C17orf67: variants seen among roughly 807,000 people sequenced by gnomAD.
C17orf67 encodes uncharacterized protein C17orf67.
C17orf67 carries 12 observed loss-of-function variants against 11.2 expected under a neutral mutation model. The ratio of observed to expected loss-of-function variants is 1.07; its 90% CI spans 0.68 to 1.73. The LOEUF (loss-of-function observed/expected upper bound fraction) is 1.73. C17orf67 is among the 40% of genes most tolerant of loss of function. The pLI is 0.00. For missense variants in C17orf67, 115 were observed against 113.5 expected (o/e 1.01, Z -0.06); for synonymous variants, 59 against 46.9 (o/e 1.26, Z -1.05).
At chr17:56,808,005 G>A (rs895843934) in intron 6 of C17orf67, among the ~76,000 whole-genome samples, 1 of 152,144 alleles carries the variant, frequency 6.6e-6, no homozygotes, top group South Asian at 2.1e-4. Context: ...AAGCAAATTA[G>A]TTCCAGCCTT....
In C17orf67 at chr17:56,795,118, C is replaced by T. The variant is rs771245835; in HGVS notation, c.219G>A (p.Trp73Ter). 18 of 1,614,020 alleles carry T rather than the reference C, an allele frequency of 1.1e-5. No homozygotes were observed. Among genetic ancestry groups the T allele is most frequent in the Non-Finnish European group, 1.4e-5 (17 of 1,180,022 alleles). The change falls in exon 7 of 8, where the codon TGG becomes TGA. Residue 73 changes from tryptophan to a stop codon, truncating the protein, a stop_gained. Coordinates refer to ENST00000397861, the MANE Select transcript of C17orf67 (RefSeq NM_001085430.4). LOFTEE classifies it high-confidence loss of function. The part of the protein sequence containing the change: ...HRAEEQFLEH[W>*]LNPHCKPHCD... ...AGTGGGGTTTGCAGTGAGGGTTCAG[C>T]CAGTGCTCCAGGAACTGCTCCTCAG...
intron 6 of C17orf67, among the ~76,000 whole-genome samples, chr17:56,806,564 C>T (rs1331644469): frequency 6.6e-6 from 1 of 152,136 alleles, no homozygotes; most frequent in African/African-American, 2.4e-5. Context: ...CAGAATTTTA[C>T]TGTTACCCAG....
intron 4 of C17orf67, among the ~76,000 whole-genome samples, chr17:56,822,547 A>G (rs958460404): frequency 6.6e-6 from 1 of 152,240 alleles, no homozygotes; most frequent in Non-Finnish European, 1.5e-5. Flanking sequence ...AGGTATGTGT[A>G]AAGTTCGTGA....
At chr17:56,803,121 T>C (rs1905364250) in intron 6 of C17orf67, among the ~76,000 whole-genome samples, 1 of 152,238 alleles carries the variant, frequency 6.6e-6, no homozygotes, top group African/African-American at 2.4e-5. Context: ...CAAAAGGGCA[T>C]ATGCAGGCAG....
chr17:56,814,201 G>A (rs1258113953), intron 6 of C17orf67, among the ~76,000 whole-genome samples: 1 of 152,162 alleles, frequency 6.6e-6, no homozygotes, highest in Non-Finnish European at 1.5e-5. Context: ...TAACTTTGCT[G>A]GGTCACTGCT....
intron 7 of C17orf67, among the ~76,000 whole-genome samples, chr17:56,792,928 GGGTAA>G (rs1905142790): frequency 1.3e-4 from 1 of 7,554 alleles, no homozygotes; most frequent in South Asian, 4.0e-3. Context: ...ATGATGGTGT[GGGTAA>G]TGGTGATGAT....
chr17:56,818,640 CT>C (rs1236713145), intron 4 of C17orf67, among the ~76,000 whole-genome samples: 3 of 152,152 alleles, frequency 2.0e-5, no homozygotes, highest in Non-Finnish European at 4.4e-5. Context: ...TCAGTAGCCA[CT>C]TTTTTTAAGT....
chr17:56,827,959 C>T (rs1237747458), intron 2 of C17orf67, among the ~76,000 whole-genome samples: 1 of 152,172 alleles, frequency 6.6e-6, no homozygotes, highest in East Asian at 1.9e-4. Context: ...GTAATCCCAG[C>T]ACTTTGGGAG....
intron 7 of C17orf67, among the ~76,000 whole-genome samples, chr17:56,794,410 G>T (rs555781246): frequency 1.4e-4 from 21 of 152,236 alleles, no homozygotes; most frequent in African/African-American, 4.8e-4. Context: ...ATTTGGAAAG[G>T]GGGGAAGATG....
intron 4 of C17orf67, among the ~76,000 whole-genome samples, chr17:56,820,745 C>T (rs1329088963): frequency 1.4e-5 from 2 of 144,582 alleles, no homozygotes; most frequent in Non-Finnish European, 3.0e-5. Context: ...CCAAACACAA[C>T]TTTTTGTTTG....
chr17:56,803,516 T>C (rs964283774), intron 6 of C17orf67, among the ~76,000 whole-genome samples: 1 of 152,246 alleles, frequency 6.6e-6, no homozygotes, highest in Non-Finnish European at 1.5e-5. Flanking sequence ...CCAGTTTTTT[T>C]ATGGCAGTGA....
intron 6 of C17orf67, among the ~76,000 whole-genome samples, chr17:56,807,903 T>TAATA (rs58915926): frequency 0.11 from 15,398 of 144,348 alleles, 874 homozygotes; most frequent in African/African-American, 0.14. Context: ...AATAAATAAA[T>TAATA]AATAAATAAA....
At chr17:56,830,118 C>CG (rs1906153815) in intron 2 of C17orf67, among the ~76,000 whole-genome samples, 1 of 150,482 alleles carries the variant, frequency 6.6e-6, no homozygotes, top group Admixed American at 6.6e-5. Flanking sequence ...CTGAGGCAGG[C>CG]GGATCATGAG....
intron 2 of C17orf67, among the ~76,000 whole-genome samples, chr17:56,826,774 A>C (rs953075078): frequency 6.6e-6 from 1 of 152,254 alleles, no homozygotes; most frequent in African/African-American, 2.4e-5. Flanking sequence ...GACCAAGTTA[A>C]AACAGTGATC....
intron 2 of C17orf67, among the ~76,000 whole-genome samples, chr17:56,831,777 TAC>T (rs1297794239): frequency 6.6e-6 from 1 of 152,142 alleles, no homozygotes; most frequent in African/African-American, 2.4e-5. Context: ...ACGTGCCATG[TAC>T]ATACGTACGA....
chr17:56,797,887 T>C (rs2144112842), intron 6 of C17orf67, among the ~76,000 whole-genome samples: 1 of 152,310 alleles, frequency 6.6e-6, no homozygotes, highest in African/African-American at 2.4e-5. Flanking sequence ...TTATGTCCTA[T>C]AAGTGATGCA....
intron 6 of C17orf67, among the ~76,000 whole-genome samples, chr17:56,811,789 T>C (rs1905634876): frequency 6.6e-6 from 1 of 152,226 alleles, no homozygotes; most frequent in African/African-American, 2.4e-5. Flanking sequence ...CTCTCTCTTT[T>C]TGTCTAAACA....
chr17:56,816,055 G>GAAA, intron 4 of C17orf67, 45 bp from the exon 5 acceptor site: 2 of 605,520 alleles, frequency 3.3e-6, no homozygotes, highest in Non-Finnish European at 5.2e-6. Context: ...TTCAGAGCTT[G>GAAA]AATCTGAAAA....
chr17:56,831,456 A>G (rs1906198374), intron 2 of C17orf67, among the ~76,000 whole-genome samples: 2 of 152,182 alleles, frequency 1.3e-5, no homozygotes, highest in Admixed American at 6.5e-5. Context: ...TTGACACTAG[A>G]GTAGAAATAC....
Sources: gnomAD v4.1 joint callset for allele counts (sites outside exome capture counted in the v4.1 genomes callset) on GRCh38, gnomAD v4.1.1 for gene constraint, MANE v1.5 for transcripts, NCBI Gene and HGNC (gene_info 2026-07-23, HGNC 2026-07-21) for gene names.